PRKCE: variants seen among roughly 807,000 people sequenced by gnomAD.
The protein encoded by PRKCE is protein kinase C epsilon, also known as protein kinase C epsilon type.
PRKCE carries 16 observed loss-of-function variants against 85.4 expected under a neutral mutation model. That is an observed-to-expected ratio of 0.19 (90% CI 0.13 to 0.28). The LOEUF (loss-of-function observed/expected upper bound fraction) is 0.28, where lower values mean the gene tolerates loss of function less well. Ranked by LOEUF, PRKCE falls within the 10% of genes least tolerant of loss-of-function variation. PRKCE has a pLI of 1.00. For missense variants in PRKCE, 573 were observed against 975.2 expected (o/e 0.59, Z 5.49); for synonymous variants, 388 against 371.5 (o/e 1.04, Z -0.51).
chr2:45,661,523 G>GTTTTTTTTTTTTTTTTTTTT lies in PRKCE; in HGVS notation c.348+9081_348+9082insTTTTTTTTTTTTTTTTTTTT, dbSNP rs367628974. 2.1e-5 allele frequency among the ~76,000 whole-genome samples: 2 copies of GTTTTTTTTTTTTTTTTTTTT among 96,666 alleles called. 1 individual carries two copies. The highest frequency in any genetic ancestry group is 4.0e-5 in the Non-Finnish European group (2 of 50,342). The allele number at this position is 96,666 out of a possible 152,430, so 63.4% of individuals were successfully genotyped here. On this transcript the variant is annotated intron_variant, in intron 1 of 14. Coordinates refer to ENST00000306156, the MANE Select transcript of PRKCE (RefSeq NM_005400.3). Reference sequence around the variant, plus strand: ...TTTTTTTTGTTTTGTTTTGTTTTTTGTTTTTTGTTTTTTTTTTTTTTTTTA... The same window carrying GTTTTTTTTTTTTTTTTTTTT: ...TTTTTTTTGTTTTGTTTTGTTTTTTGTTTTTTTTTTTTTTTTTTTTTTTTTTGTTTTTTTTTTTTTTTTTA...
intron 11 of PRKCE, among the ~76,000 whole-genome samples, chr2:46,114,214 A>G (rs1277704988): frequency 1.3e-5 from 2 of 152,088 alleles, no homozygotes; most frequent in Non-Finnish European, 2.9e-5. Context: ...AGGGTTCTGT[A>G]TAAACTTCGG....
At chr2:46,014,096 A>T (rs536996137) in intron 10 of PRKCE, among the ~76,000 whole-genome samples, 4 of 152,166 alleles carry the variant, frequency 2.6e-5, no homozygotes, top group South Asian at 2.1e-4. Flanking sequence ...GCTCCATGGG[A>T]TCTAGAAAGG....
chr2:45,781,347 A>T (rs1558664351), intron 1 of PRKCE, among the ~76,000 whole-genome samples: 1 of 152,214 alleles, frequency 6.6e-6, no homozygotes, highest in Non-Finnish European at 1.5e-5. Flanking sequence ...AAAACCAAAA[A>T]GAAATCAAAT....
At chr2:45,827,179 C>G (rs1394860923) in intron 1 of PRKCE, among the ~76,000 whole-genome samples, 2 of 152,252 alleles carry the variant, frequency 1.3e-5, no homozygotes, top group African/African-American at 4.8e-5. Context: ...AAGACCAAGT[C>G]TTCCCCTACC....
intron 1 of PRKCE, among the ~76,000 whole-genome samples, chr2:45,803,531 A>G (rs1688027620): frequency 6.6e-6 from 1 of 152,180 alleles, no homozygotes; most frequent in Non-Finnish European, 1.5e-5. Context: ...GTTTGCTAGA[A>G]TCCCTCTGCC....
intron 2 of PRKCE, among the ~76,000 whole-genome samples, chr2:45,970,260 G>T (rs1200298831): frequency 6.6e-6 from 1 of 152,104 alleles, no homozygotes; most frequent in Non-Finnish European, 1.5e-5. Context: ...GGTATTAAAT[G>T]GTATGTCAGT....
intron 2 of PRKCE, among the ~76,000 whole-genome samples, chr2:45,879,732 C>T (rs1176279740): frequency 6.6e-6 from 1 of 152,182 alleles, no homozygotes; most frequent in Non-Finnish European, 1.5e-5. Context: ...ACTCCTGTCA[C>T]GAGGCCGTGA....
intron 10 of PRKCE, among the ~76,000 whole-genome samples, chr2:46,043,144 A>G (rs991772302): frequency 2.0e-5 from 3 of 151,382 alleles, no homozygotes; most frequent in Non-Finnish European, 4.4e-5. Context: ...TGGGATTATT[A>G]CCGATCCTTG....
At chr2:45,972,318 G>A (rs1352602333) in intron 2 of PRKCE, among the ~76,000 whole-genome samples, 2 of 152,068 alleles carry the variant, frequency 1.3e-5, no homozygotes, top group Non-Finnish European at 2.9e-5. Context: ...TGGATTATTT[G>A]GTTTTGCCAT....
intron 10 of PRKCE, among the ~76,000 whole-genome samples, chr2:46,059,075 C>A (rs1391325281): frequency 6.6e-6 from 1 of 152,158 alleles, no homozygotes; most frequent in Admixed American, 6.5e-5. Flanking sequence ...CGTGGCAAGA[C>A]CGTGTCTCCA....
chr2:45,657,597 G>A (rs528495298), intron 1 of PRKCE, among the ~76,000 whole-genome samples: 6 of 152,240 alleles, frequency 3.9e-5, no homozygotes, highest in South Asian at 2.1e-4. Flanking sequence ...TATAGGCCAC[G>A]AGAAAGCTAG....
intron 11 of PRKCE, among the ~76,000 whole-genome samples, chr2:46,141,064 C>T (rs1436530033): frequency 1.3e-5 from 2 of 152,248 alleles, no homozygotes; most frequent in East Asian, 3.9e-4. Flanking sequence ...TGTTCTTCCA[C>T]CAAGAAGGGC....
At chr2:45,681,318 A>G (rs1450487045) in intron 1 of PRKCE, among the ~76,000 whole-genome samples, 2 of 138,902 alleles carry the variant, frequency 1.4e-5, no homozygotes, top group Non-Finnish European at 3.1e-5. Context: ...AAAAAAAAAA[A>G]GGCATAGCAT....
At chr2:45,751,809 ATTTTTTTTTTTTTT>A (rs34589907) in intron 1 of PRKCE, among the ~76,000 whole-genome samples, 1 of 78,524 alleles carries the variant, frequency 1.3e-5, no homozygotes, top group Non-Finnish European at 2.3e-5. Flanking sequence ...GCTAACCACT[ATTTTTTTTTTTTTT>A]TTTTTTTTTT....
chr2:45,960,375 A>G (rs937023757), intron 2 of PRKCE, among the ~76,000 whole-genome samples: 2 of 152,234 alleles, frequency 1.3e-5, no homozygotes, highest in African/African-American at 2.4e-5. Context: ...ATCACCTGCT[A>G]TACCATAAAT....
rs953508452 is a variant in PRKCE at position 45,842,893 on chromosome 2, T to A, written c.349-107T>A. ...ACACATTGTAGGTTGGTGAATTACA[T>A]GGAGCTGTGTCTCTAGGTTTTAGCA... On this transcript the variant is annotated intron_variant, in intron 1 of 14. Transcript: ENST00000306156. The A allele has an allele frequency of 8.0e-6, 8 of 1,000,626 alleles. No homozygotes were observed. In the African/African-American group the frequency reaches 1.1e-4, roughly 14 times the overall value. 62.0% of individuals were successfully genotyped at this position (1,000,626 alleles called of 1,614,324 possible).
At chr2:45,897,958 G>A (rs140077335) in intron 2 of PRKCE, among the ~76,000 whole-genome samples, 579 of 152,264 alleles carry the variant, frequency 3.8e-3, no homozygotes, top group Middle Eastern at 6.8e-3. Flanking sequence ...TGATTTGGGC[G>A]ATCTCTATGA....
At chr2:45,896,642 A>G (rs1696164602) in intron 2 of PRKCE, among the ~76,000 whole-genome samples, 1 of 152,248 alleles carries the variant, frequency 6.6e-6, no homozygotes, top group African/African-American at 2.4e-5. Flanking sequence ...AAAGTAGCGC[A>G]GTGCATGTAT....
intron 10 of PRKCE, among the ~76,000 whole-genome samples, chr2:46,022,998 G>C (rs952349920): frequency 1.3e-5 from 2 of 149,030 alleles, no homozygotes; most frequent in Non-Finnish European, 1.5e-5. Flanking sequence ...CAGGAGAATG[G>C]CGTGAACCCG....
Sources: gnomAD v4.1 joint callset for allele counts (sites outside exome capture counted in the v4.1 genomes callset) on GRCh38, gnomAD v4.1.1 for gene constraint, MANE v1.5 for transcripts, NCBI Gene and HGNC (gene_info 2026-07-23, HGNC 2026-07-21) for gene names.